SORCS1: variants seen among roughly 807,000 people sequenced by gnomAD.
The protein encoded by SORCS1 is sortilin related VPS10 domain containing receptor 1, also known as VPS10 domain-containing receptor SorCS1.
A neutral mutation model predicts 146.1 loss-of-function variants in SORCS1; 60 were observed. The ratio of observed to expected loss-of-function variants is 0.41; its 90% CI spans 0.33 to 0.51. SORCS1 has a LOEUF of 0.51. Ranked by LOEUF, SORCS1 falls within the 20% of genes least tolerant of loss-of-function variation. The pLI is 0.21. For missense variants in SORCS1, 1,352 were observed against 1,487.6 expected (o/e 0.91, Z 1.50); for synonymous variants, 637 against 584.0 (o/e 1.09, Z -1.31).
At chr10:106,589,850 A>G (rs1338394922) in intron 24 of SORCS1, among the ~76,000 whole-genome samples, 1 of 151,242 alleles carries the variant, frequency 6.6e-6, no homozygotes, top group Admixed American at 6.6e-5. Context: ...GCCCAAACCT[A>G]TTATTAAAGG....
chr10:107,165,121 C>G (rs545784743), upstream of SORCS1, among the ~76,000 whole-genome samples: 218 of 152,230 alleles, frequency 1.4e-3, no homozygotes, highest in African/African-American at 5.2e-3. This position sits in a 1 kb window ranked among gnomAD's most constrained non-coding sequence, Gnocchi z 4.0. Context: ...TCTTTCTGGT[C>G]TTTTCTAGTT....
At chr10:107,149,416 G>C (rs151080738) in intron 1 of SORCS1, among the ~76,000 whole-genome samples, 1 of 152,024 alleles carries the variant, frequency 6.6e-6, no homozygotes, top group East Asian at 1.9e-4. Context: ...GTAACCATCC[G>C]ATTCATCCCA....
rs574086627 is a variant in SORCS1 at position 106,919,203 on chromosome 10, A to G, written c.626+37310T>C. On this transcript the variant is annotated intron_variant, in intron 2 of 25. Transcript: ENST00000263054. ...TTAAATACTTCTATTTAAAGAGGTG[A>G]TGGTATGATAGCTATGCCCTTTTCA... Among the ~76,000 whole-genome samples the G allele has an allele frequency of 3.3e-5, 5 of 152,310 alleles. No homozygotes were observed. The South Asian group carries it at 1.0e-3, about 32-fold the overall frequency.
intron 8 of SORCS1, among the ~76,000 whole-genome samples, chr10:106,705,230 C>T (rs1357273007): frequency 2.0e-5 from 3 of 152,144 alleles, no homozygotes; most frequent in Admixed American, 6.5e-5. Flanking sequence ...ATAACAACCA[C>T]GAACATAGCT....
chr10:107,036,373 G>A lies in SORCS1; in HGVS notation c.559-79793C>T, dbSNP rs758263431. ...AGCATCTGCAGATTTTGGTATTCAC[G>A]GGGTCCTGGAACCAATCTCTCATGG... On this transcript the variant is annotated intron_variant, in intron 1 of 25. Transcript: ENST00000263054. 6.6e-5 allele frequency among the ~76,000 whole-genome samples: 10 copies of A among 152,004 alleles called. 1 individual carries two copies. Among genetic ancestry groups the A allele is most frequent in the Middle Eastern group, 3.2e-3 (1 of 316 alleles).
rs113984917 is a variant in SORCS1, at chr10:107,065,814, A to T, written c.558+98155T>A. Among the ~76,000 whole-genome samples, 871 of 152,152 alleles carry T rather than the reference A, an allele frequency of 5.7e-3. 6 individuals are homozygous for T. The highest frequency in any genetic ancestry group is 0.02 in the African/African-American group (827 of 41,488). ...ATTGCAGGCATGAGCCACCACTCCC[A>T]GCCCTAGGCTGAACATTTCATCCAT... On this transcript the variant is annotated intron_variant, in intron 1 of 25. Transcript: ENST00000263054.
intron 1 of SORCS1, among the ~76,000 whole-genome samples, chr10:107,156,809 A>T (rs1969318525): frequency 1.3e-5 from 2 of 152,198 alleles, no homozygotes; most frequent in Admixed American, 6.5e-5. Context: ...CAAAGAGAGG[A>T]AGAGATGGCT....
chr10:106,663,128 A>G (rs570683803), intron 17 of SORCS1, among the ~76,000 whole-genome samples: 2 of 152,342 alleles, frequency 1.3e-5, no homozygotes, highest in East Asian at 3.9e-4. Context: ...AAAACAAAAT[A>G]ACCCAAACAT....
chr10:106,659,521 G>T (rs1181955616), intron 17 of SORCS1, among the ~76,000 whole-genome samples: 1 of 152,156 alleles, frequency 6.6e-6, no homozygotes, highest in Non-Finnish European at 1.5e-5. Context: ...ACAGTCCAAG[G>T]AATTCTAATA....
At position 106,739,204 on chromosome 10, in the gene SORCS1, G is replaced by C. The variant is rs367846339; in HGVS notation, c.960-9090C>G. Among the ~76,000 whole-genome samples, 5 of 152,168 alleles carry C rather than the reference G, an allele frequency of 3.3e-5. No individual in the cohort carries two copies. The East Asian group carries it at 7.7e-4, about 23-fold the overall frequency. ...CCCTGGGGAAAACTGTCATTGTCTT[G>C]GCTGGGCATGGTGGCTCATGCCTGT... On this transcript the variant is annotated intron_variant, in intron 5 of 25. Coordinates refer to ENST00000263054, the MANE Select transcript of SORCS1 (RefSeq NM_052918.5).
At chr10:107,073,531 C>A (rs1962618588) in intron 1 of SORCS1, among the ~76,000 whole-genome samples, 2 of 152,160 alleles carry the variant, frequency 1.3e-5, no homozygotes, top group African/African-American at 4.8e-5. Context: ...CTAATGCTGG[C>A]AGCCACTGTT....
chr10:106,600,305 A>C (rs1463199449), intron 23 of SORCS1: 1 of 963,588 alleles, frequency 1.0e-6, no homozygotes, highest in Non-Finnish European at 1.2e-6. Context: ...TAAGAAGGAA[A>C]TTTAAATTTA....
chr10:106,734,525 C>T (rs960345612), intron 5 of SORCS1, among the ~76,000 whole-genome samples: 5 of 152,156 alleles, frequency 3.3e-5, no homozygotes, highest in African/African-American at 1.2e-4. Flanking sequence ...CTGTGCCAGG[C>T]ACCTGCATGC....
At chr10:106,582,254 C>T (rs4578311) in intron 24 of SORCS1, among the ~76,000 whole-genome samples, 38,035 of 152,126 alleles carry the variant, frequency 0.25, 5,475 homozygotes, top group East Asian at 0.59. Flanking sequence ...CATCATTCTT[C>T]AACAAGCAGC....
intron 1 of SORCS1, among the ~76,000 whole-genome samples, chr10:107,024,316 T>C (rs1447125916): frequency 1.3e-5 from 2 of 152,048 alleles, no homozygotes; most frequent in Non-Finnish European, 2.9e-5. Context: ...AGGGCTGGTG[T>C]GTGCAGATCC....
intron 2 of SORCS1, among the ~76,000 whole-genome samples, chr10:106,878,646 A>ATATATATATATATATATATATTTATT (rs1200849744): frequency 6.8e-5 from 8 of 117,886 alleles, no homozygotes; most frequent in Middle Eastern, 4.3e-3. Context: ...ATATATATAT[A>ATATATATATATATATATATATTTATT]TATTTTATAG....
intron 18 of SORCS1, among the ~76,000 whole-genome samples, chr10:106,643,792 G>T (rs1253176060): frequency 6.6e-6 from 1 of 152,256 alleles, no homozygotes; most frequent in African/African-American, 2.4e-5. Flanking sequence ...GGAAAGCAGA[G>T]TTGAACAGAT....
chr10:106,660,014 C>A (rs1476324277), intron 17 of SORCS1, among the ~76,000 whole-genome samples: 2 of 152,120 alleles, frequency 1.3e-5, no homozygotes, highest in African/African-American at 4.8e-5. Flanking sequence ...GTAAATAATG[C>A]AAGTGATTGC....
chr10:106,800,513 CTTTTTTTTTTTTTTTTT>C lies in SORCS1; in HGVS notation c.727-23838_727-23822del, dbSNP rs763659103. Reference sequence around the variant, plus strand: ...AAAGATACATAGGTTCTAGGTGAATCTTTTTTTTTTTTTTTTTTTTTTTTTTAAGATGGAGTCTTGCT... The same window carrying C: ...AAAGATACATAGGTTCTAGGTGAATCTTTTTTTTTAAGATGGAGTCTTGCT... On this transcript the variant is annotated intron_variant, in intron 3 of 25. Coordinates refer to ENST00000263054, the MANE Select transcript of SORCS1 (RefSeq NM_052918.5). 6.7e-5 allele frequency among the ~76,000 whole-genome samples: 6 copies of C among 89,072 alleles called. No homozygotes were observed. In the Admixed American group the frequency reaches 7.4e-4, roughly 11 times the overall value. The allele number at this position is 89,072 out of a possible 152,430, so 58.4% of individuals were successfully genotyped here.
Sources: gnomAD v4.1 joint callset for allele counts (sites outside exome capture counted in the v4.1 genomes callset) on GRCh38, gnomAD v4.1.1 for gene constraint, Gnocchi (gnomAD v3.1) non-coding constraint, MANE v1.5 for transcripts, NCBI Gene and HGNC (gene_info 2026-07-23, HGNC 2026-07-21) for gene names.